PMS1: variants seen among roughly 807,000 people sequenced by gnomAD.
PMS1 encodes PMS1 protein homolog 1.
PMS1 carries 79 observed loss-of-function variants against 93.1 expected under a neutral mutation model. The ratio of observed to expected loss-of-function variants is 0.85; its 90% CI spans 0.71 to 1.02. The LOEUF is 1.02. Among genes scored for constraint, PMS1 ranks in the 50% least tolerant of loss-of-function variants. The probability of loss-of-function intolerance (pLI) is 0.00; values close to 1 mark genes in which losing one functional copy is unlikely to be tolerated. For missense variants in PMS1, 1,064 were observed against 1,085.3 expected (o/e 0.98, Z 0.28); for synonymous variants, 335 against 363.4 (o/e 0.92, Z 0.89).
In PMS1 at chr2:189,854,894, T is replaced by C. The variant is rs2055151941; in HGVS notation, c.1622T>C (p.Leu541Pro). Reference sequence around the variant, plus strand: ...TATCCAATCCCTGAACAAATGAATCTTAATGAAGATTCATGTAACAAAAAA... The same window carrying C: ...TATCCAATCCCTGAACAAATGAATCCTAATGAAGATTCATGTAACAAAAAA... ...NNYPIPEQMNLNEDSCNKKSN... is the reference protein window; with the variant it reads ...NNYPIPEQMNPNEDSCNKKSN... The change falls in exon 9 of 13, where the codon CTT becomes CCT. Residue 541 changes from leucine (L) to proline (P), a missense_variant. Coordinates refer to ENST00000441310, the MANE Select transcript of PMS1 (RefSeq NM_000534.5). The C allele has an allele frequency of 6.2e-7, 1 of 1,605,352 alleles. No homozygotes were observed. Among genetic ancestry groups the C allele is most frequent in the African/African-American group, 1.3e-5 (1 of 74,588 alleles).
Position 189,863,482 on chromosome 2 carries a change from G to A in PMS1, c.1857-261G>A, listed in dbSNP as rs563082037. Among the ~76,000 whole-genome samples the A allele has an allele frequency of 2.0e-5, 3 of 152,230 alleles. No homozygotes were observed. The South Asian group carries it at 6.2e-4, about 32-fold the overall frequency. ...TTGGCCAGGCTAGTCTTGAACTGCT[G>A]ACCTCAGGTGATCTGCCAACCTCAG... On this transcript the variant is annotated intron_variant, in intron 9 of 12. Transcript: ENST00000441310.
rs1207755346 is a variant in PMS1, at chr2:189,805,691, AC to A, written c.358del (p.Gln120SerfsTer4). ...AAGAACGGCTGCTGATAATTTTAGC[AC>A]CCAGTATGTTTTAGATGGCAGTGGC... ...TTRTAADNFS[T>X]QYVLDGSGHI... On this transcript the variant is annotated frameshift_variant, in exon 4 of 13. Coordinates refer to ENST00000441310, the MANE Select transcript of PMS1 (RefSeq NM_000534.5). LOFTEE classifies it high-confidence loss of function. 6.2e-7 allele frequency: 1 copy of A among 1,613,842 alleles called. No homozygotes were observed. Among genetic ancestry groups the A allele is most frequent in the Admixed American group, 1.7e-5 (1 of 60,002 alleles).
intron 4 of PMS1, among the ~76,000 whole-genome samples, chr2:189,814,980 T>C (rs1301116788): frequency 6.6e-6 from 1 of 151,134 alleles, no homozygotes; most frequent in Non-Finnish European, 1.5e-5. Context: ...GTTCCTGTAG[T>C]CCCAGCTACT....
At chr2:189,787,852 G>C (rs2048501263) in intron 1 of PMS1, among the ~76,000 whole-genome samples, 1 of 152,106 alleles carries the variant, frequency 6.6e-6, no homozygotes, top group Admixed American at 6.5e-5. Context: ...GAATTTGGTA[G>C]AGACACAAAT....
intron 5 of PMS1, among the ~76,000 whole-genome samples, chr2:189,818,943 G>A (rs2051570548): frequency 6.6e-6 from 1 of 152,152 alleles, no homozygotes; most frequent in African/African-American, 2.4e-5. Context: ...GTGTAATTTT[G>A]TTACATGGAT....
intron 10 of PMS1, chr2:189,864,487 C>A: frequency 2.7e-6 from 1 of 370,308 alleles, no homozygotes; most frequent in Non-Finnish European, 5.1e-6. Context: ...GAAACCCTGT[C>A]TCTACTAAAA....
intron 6 of PMS1, among the ~76,000 whole-genome samples, chr2:189,845,883 C>T (rs1450961430): frequency 6.6e-6 from 1 of 151,886 alleles, no homozygotes; most frequent in Non-Finnish European, 1.5e-5. Flanking sequence ...GCCACAACAC[C>T]CGGCTAATTT....
At chr2:189,844,966 T>C (rs1401992307) in intron 6 of PMS1, among the ~76,000 whole-genome samples, 1 of 151,998 alleles carries the variant, frequency 6.6e-6, no homozygotes. Flanking sequence ...CAAGTGATTC[T>C]CATGCCTCAG....
chr2:189,844,608 C>T (rs1390693722), intron 6 of PMS1, among the ~76,000 whole-genome samples: 1 of 142,980 alleles, frequency 7.0e-6, no homozygotes, highest in Non-Finnish European at 1.5e-5. Context: ...TGCACCACTG[C>T]ACTCCAGCCT....
chr2:189,801,328 T>C (rs1365230407), intron 3 of PMS1, among the ~76,000 whole-genome samples: 2 of 152,230 alleles, frequency 1.3e-5, no homozygotes, highest in East Asian at 3.8e-4. Flanking sequence ...TGTAGAGCAA[T>C]AATTTTGAGA....
chr2:189,822,307 A>C (rs1367548340), intron 5 of PMS1, among the ~76,000 whole-genome samples: 1 of 152,204 alleles, frequency 6.6e-6, no homozygotes, highest in Non-Finnish European at 1.5e-5. Context: ...AAACCTGATG[A>C]AACTCTTATG....
At position 189,877,307 on chromosome 2, in the gene PMS1, G is replaced by A. The variant is rs2057659432; in HGVS notation, c.2670G>A (p.Met890Ile). ...TGCGTCTATCCAGACAATTACCCATGTACTTATCAAAAGAGGACATCCAAG... is the reference window on the plus strand; with the variant it reads ...TGCGTCTATCCAGACAATTACCCATATACTTATCAAAAGAGGACATCCAAG... ...EAVRLSRQLP[M>I]YLSKEDIQDI... Residue 890 changes from methionine (M) to isoleucine (I), a missense_variant, in exon 13 of 13, where the codon ATG (methionine) becomes ATA (isoleucine). Physicochemically the swap from Met to Ile is conservative, Grantham distance 10. Transcript: ENST00000441310. The A allele has an allele frequency of 1.9e-6, 3 of 1,613,774 alleles. No homozygotes were observed. Among genetic ancestry groups the A allele is most frequent in the Non-Finnish European group, 1.7e-6 (2 of 1,179,702 alleles).
rs376907083 is a variant in PMS1, at chr2:189,812,576, A to G, written c.419-5441A>G. 2.0e-5 allele frequency among the ~76,000 whole-genome samples: 3 copies of G among 152,370 alleles called. No individual in the cohort carries two copies. In the South Asian group the frequency reaches 6.2e-4, roughly 32 times the overall value. ...AAACTTATTTTACAAAAACAAAATC[A>G]GTATATTGTGGAGTTTATCACACAG... On this transcript the variant is annotated intron_variant, in intron 4 of 12. Coordinates refer to ENST00000441310, the MANE Select transcript of PMS1 (RefSeq NM_000534.5).
chr2:189,787,246 AG>A (rs2048436667), intron 1 of PMS1, among the ~76,000 whole-genome samples: 1 of 152,178 alleles, frequency 6.6e-6, no homozygotes. Context: ...ATGTATATAA[AG>A]GGAAGGAGGA....
At position 189,864,212 on chromosome 2, in the gene PMS1, A is replaced by T; in HGVS notation, c.2326A>T (p.Ile776Phe). The T allele has an allele frequency of 2.5e-6, 4 of 1,602,984 alleles. No individual in the cohort carries two copies. Among genetic ancestry groups the T allele is most frequent in the African/African-American group, 1.3e-5 (1 of 74,610 alleles). Reference protein sequence around the residue: ...KLPAEPLEKPIMLTESLFNGS... With the variant: ...KLPAEPLEKPFMLTESLFNGS... ...TCCTGCAGAGCCACTGGAAAAGCCA[A>T]TTATGTTAACAGAGAGGTATGATGA... The change falls in exon 10 of 13, where the codon ATT becomes TTT. Residue 776 changes from isoleucine (I) to phenylalanine (F), a missense_variant. Ile to Phe is a conservative substitution (Grantham distance 21). Transcript: ENST00000441310.
At chr2:189,847,658 C>G (rs963287486) in intron 6 of PMS1, among the ~76,000 whole-genome samples, 8 of 152,134 alleles carry the variant, frequency 5.3e-5, no homozygotes, top group Non-Finnish European at 1.2e-4. Flanking sequence ...CTCCAGTCCT[C>G]TAATTCTCTT....
chr2:189,849,220 C>T (rs1213293998), intron 6 of PMS1, among the ~76,000 whole-genome samples: 1 of 152,090 alleles, frequency 6.6e-6, no homozygotes, highest in South Asian at 2.1e-4. Flanking sequence ...ACTTTGTGGG[C>T]TTGATGGAGC....
chr2:189,797,346 G>T (rs2106240404), intron 3 of PMS1, among the ~76,000 whole-genome samples: 1 of 152,312 alleles, frequency 6.6e-6, no homozygotes, highest in Non-Finnish European at 1.5e-5. Flanking sequence ...ACATTCACTT[G>T]CATAGTACCA....
chr2:189,803,353 T>C (rs933735756), intron 3 of PMS1, among the ~76,000 whole-genome samples: 2 of 152,224 alleles, frequency 1.3e-5, no homozygotes, highest in Non-Finnish European at 2.9e-5. Context: ...GATACTGCGA[T>C]TTCTTGAAAC....
Sources: allele counts gnomAD v4.1 joint callset (sites outside exome capture counted in the v4.1 genomes callset), GRCh38; gene constraint gnomAD v4.1.1; transcripts MANE v1.5; gene names NCBI Gene and HGNC (gene_info 2026-07-23, HGNC 2026-07-21).